Variants in KCNMB4 observed in about 807,000 individuals in gnomAD.
KCNMB4 encodes potassium calcium-activated channel subfamily M regulatory beta subunit 4.
Under a neutral mutation model 20.7 loss-of-function variants are expected in KCNMB4, and 3 were observed. The observed-to-expected ratio is 0.14, with a 90% CI of 0.07 to 0.37. The LOEUF (loss-of-function observed/expected upper bound fraction) is 0.37. Ranked by LOEUF, KCNMB4 falls within the 10% of genes least tolerant of loss-of-function variation. The pLI is 1.00. For missense variants in KCNMB4, 168 were observed against 265.9 expected (o/e 0.63, Z 2.56); for synonymous variants, 110 against 113.4 (o/e 0.97, Z 0.19).
chr12:70,386,040 C>G (rs981186371), intron 1 of KCNMB4, among the ~76,000 whole-genome samples: 1 of 152,088 alleles, frequency 6.6e-6, no homozygotes, highest in Non-Finnish European at 1.5e-5. Flanking sequence ...CCTATAATAA[C>G]ATATATATAC....
At chr12:70,417,317 G>T (rs996044988) in intron 2 of KCNMB4, among the ~76,000 whole-genome samples, 1 of 152,192 alleles carries the variant, frequency 6.6e-6, no homozygotes, top group Non-Finnish European at 1.5e-5. Context: ...GCTGGCAGCA[G>T]TTCCTAGCAT....
At chr12:70,387,806 C>G (rs1352805405) in intron 1 of KCNMB4, among the ~76,000 whole-genome samples, 1 of 152,114 alleles carries the variant, frequency 6.6e-6, no homozygotes, top group East Asian at 1.9e-4. Flanking sequence ...AAGCATTTAT[C>G]CTTTGAGTTA....
Position 70,412,234 on chromosome 12 carries a change from T to A in KCNMB4, c.464+11898T>A, listed in dbSNP as rs578258122. On this transcript the variant is annotated intron_variant, in intron 2 of 2. Coordinates refer to ENST00000258111, the MANE Select transcript of KCNMB4 (RefSeq NM_014505.6). ...TGTTCTGGGAAAGCCTTTGCTTTTC[T>A]GATGTGAGTGCTGCTGCCTCCTGCT... 5.4e-4 allele frequency among the ~76,000 whole-genome samples: 82 copies of A among 152,330 alleles called. 1 individual carries two copies. Among genetic ancestry groups the A allele is most frequent in the African/African-American group, 1.9e-3 (77 of 41,576 alleles).
chr12:70,384,201 A>G (rs1157936563), intron 1 of KCNMB4, among the ~76,000 whole-genome samples: 1 of 152,342 alleles, frequency 6.6e-6, no homozygotes, highest in East Asian at 1.9e-4. Context: ...AAAAAAGACT[A>G]TATACAAAGA....
At chr12:70,394,306 A>G (rs977364321) in intron 1 of KCNMB4, among the ~76,000 whole-genome samples, 1 of 152,126 alleles carries the variant, frequency 6.6e-6, no homozygotes. Flanking sequence ...AGTTCAAGTG[A>G]TCTGTGGAAC....
intron 1 of KCNMB4, among the ~76,000 whole-genome samples, chr12:70,382,729 T>G (rs1883812692): frequency 6.6e-6 from 1 of 152,190 alleles, no homozygotes; most frequent in Non-Finnish European, 1.5e-5. Context: ...TGAAGTACTC[T>G]TAGCAATAAA....
chr12:70,406,245 C>G (rs1455660271), intron 2 of KCNMB4, among the ~76,000 whole-genome samples: 1 of 152,138 alleles, frequency 6.6e-6, no homozygotes, highest in African/African-American at 2.4e-5. Flanking sequence ...ACTGTACTAT[C>G]ACCAACAGTA....
chr12:70,410,788 G>GTAA (rs1366149209), intron 2 of KCNMB4, among the ~76,000 whole-genome samples: 5 of 152,080 alleles, frequency 3.3e-5, no homozygotes, highest in Non-Finnish European at 7.4e-5. Flanking sequence ...TTATGAATGA[G>GTAA]TAAAACAACA....
At chr12:70,409,128 C>T (rs1242323154) in intron 2 of KCNMB4, among the ~76,000 whole-genome samples, 1 of 152,156 alleles carries the variant, frequency 6.6e-6, no homozygotes, top group Non-Finnish European at 1.5e-5. Context: ...TACAGGTTTA[C>T]TTTTTAGTAC....
chr12:70,398,432 A>G (rs1379149734), intron 1 of KCNMB4, among the ~76,000 whole-genome samples: 1 of 152,026 alleles, frequency 6.6e-6, no homozygotes, highest in African/African-American at 2.4e-5. Flanking sequence ...TCCAAACCCA[A>G]CTGCTGCTTT....
intron 1 of KCNMB4, among the ~76,000 whole-genome samples, chr12:70,369,378 G>A (rs962336247): frequency 6.6e-6 from 1 of 152,202 alleles, no homozygotes; most frequent in East Asian, 1.9e-4. Flanking sequence ...TGTTTCCACA[G>A]TGTCCCTGCA....
chr12:70,382,900 G>A (rs1883818403), intron 1 of KCNMB4, among the ~76,000 whole-genome samples: 1 of 152,170 alleles, frequency 6.6e-6, no homozygotes, highest in Admixed American at 6.5e-5. Context: ...ATCATAGAGT[G>A]TACTTACACA....
chr12:70,413,114 AT>A (rs552283198), intron 2 of KCNMB4, among the ~76,000 whole-genome samples: 16 of 152,298 alleles, frequency 1.1e-4, no homozygotes, highest in African/African-American at 3.8e-4. Flanking sequence ...AAAAGCAGTG[AT>A]TGCTGTGGCT....
chr12:70,392,763 A>G (rs1244990791), intron 1 of KCNMB4, among the ~76,000 whole-genome samples: 1 of 152,182 alleles, frequency 6.6e-6, no homozygotes, highest in Non-Finnish European at 1.5e-5. Context: ...GTTCTCACTC[A>G]TAAGTGGAAG....
intron 2 of KCNMB4, among the ~76,000 whole-genome samples, chr12:70,426,901 A>G (rs1181098666): frequency 1.3e-5 from 2 of 152,146 alleles, no homozygotes; most frequent in South Asian, 2.1e-4. Flanking sequence ...GGGTACCCAC[A>G]GTATTTACTC....
chr12:70,383,225 T>A (rs1434085917), intron 1 of KCNMB4, among the ~76,000 whole-genome samples: 1 of 152,234 alleles, frequency 6.6e-6, no homozygotes, highest in Non-Finnish European at 1.5e-5. Flanking sequence ...AACGTACACA[T>A]ATATCAAAAC....
intron 2 of KCNMB4, among the ~76,000 whole-genome samples, chr12:70,423,987 TA>T (rs2136142652): frequency 6.6e-6 from 1 of 152,350 alleles, no homozygotes; most frequent in Non-Finnish European, 1.5e-5. Flanking sequence ...TTAACATTTT[TA>T]TGAGCATGGG....
At chr12:70,406,651 T>G (rs1868609690) in intron 2 of KCNMB4, among the ~76,000 whole-genome samples, 1 of 152,136 alleles carries the variant, frequency 6.6e-6, no homozygotes, top group Non-Finnish European at 1.5e-5. Context: ...AGCTTGCAGT[T>G]GGAGGTGAAC....
At chr12:70,423,090 C>A (rs982461684) in intron 2 of KCNMB4, among the ~76,000 whole-genome samples, 5 of 152,202 alleles carry the variant, frequency 3.3e-5, no homozygotes, top group African/African-American at 1.2e-4. Context: ...TAGTCCTAAT[C>A]ATGGGTCTAG....
Sources: gnomAD v4.1 joint callset for allele counts (sites outside exome capture counted in the v4.1 genomes callset) on GRCh38, gnomAD v4.1.1 for gene constraint, MANE v1.5 for transcripts, NCBI Gene and HGNC (gene_info 2026-07-23, HGNC 2026-07-21) for gene names.